Variants in ANK3 observed in about 807,000 individuals in gnomAD.
The protein encoded by ANK3 is ankyrin 3.
ANK3 carries 57 observed loss-of-function variants against 370.9 expected under a neutral mutation model. The observed-to-expected ratio is 0.15, with a 90% confidence interval of 0.12 to 0.19. The LOEUF (loss-of-function observed/expected upper bound fraction) is 0.19. Among genes scored for constraint, ANK3 ranks in the 10% least tolerant of loss-of-function variants. The probability of loss-of-function intolerance (pLI) is 1.00; values close to 1 mark genes in which losing one functional copy is unlikely to be tolerated. For missense variants in ANK3, 4,439 were observed against 5,302.1 expected (o/e 0.84, Z 5.06); for synonymous variants, 1,929 against 1,946.3 (o/e 0.99, Z 0.23).
At chr10:60,079,194 C>CACACACAA (rs1249730415) in intron 36 of ANK3, among the ~76,000 whole-genome samples, 1 of 149,866 alleles carries the variant, frequency 6.7e-6, no homozygotes, top group Non-Finnish European at 1.5e-5. Flanking sequence ...CACACACACA[C>CACACACAA]ACACACACAC....
chr10:60,347,291 A>C (rs752586694), intron 1 of ANK3, among the ~76,000 whole-genome samples: 9 of 151,960 alleles, frequency 5.9e-5, no homozygotes, highest in Non-Finnish European at 1.3e-4. Context: ...TTTTTAAGGG[A>C]ACATCAGCTT....
At chr10:60,387,500 G>T (rs922107923) in intron 1 of ANK3, among the ~76,000 whole-genome samples, 4 of 152,126 alleles carry the variant, frequency 2.6e-5, no homozygotes, top group African/African-American at 4.8e-5. Context: ...GTAATACACT[G>T]TATCTTACAG....
intron 2 of ANK3, among the ~76,000 whole-genome samples, chr10:60,439,563 T>C (rs912357726): frequency 6.6e-6 from 1 of 152,112 alleles, no homozygotes; most frequent in Non-Finnish European, 1.5e-5. Context: ...AGAATTTATA[T>C]ATGAAGTTGT....
Position 60,660,918 on chromosome 10 carries a change from T to TCA in ANK3, c.58-45696_58-45695dup, listed in dbSNP as rs140134322. On this transcript the variant is annotated intron_variant, in intron 1 of 43. Coordinates refer to the ANK3 transcript ENST00000373827. ...ACCTCTCAGAGTTTTAAATACACAC[T>TCA]CACACACACACACACACCCCACATC... is the stretch of plus-strand genomic sequence containing the variant. Among the ~76,000 whole-genome samples the TCA allele has an allele frequency of 1.1e-4, 16 of 148,834 alleles. No individual in the cohort carries two copies. The East Asian group carries it at 1.4e-3, about 13-fold the overall frequency.
At chr10:60,540,152 T>C (rs965464766) in intron 2 of ANK3, among the ~76,000 whole-genome samples, 11 of 151,862 alleles carry the variant, frequency 7.2e-5, no homozygotes, top group Admixed American at 6.6e-4. Context: ...CATTCTGCCC[T>C]AGGAAATCTG....
At chr10:60,362,630 T>A (rs1275062875) in intron 1 of ANK3, among the ~76,000 whole-genome samples, 1 of 152,182 alleles carries the variant, frequency 6.6e-6, no homozygotes. Flanking sequence ...TCAGGGAATG[T>A]CCAGGGACAA....
At chr10:60,206,874 C>G (rs766499837) in intron 10 of ANK3, among the ~76,000 whole-genome samples, 1 of 152,322 alleles carries the variant, frequency 6.6e-6, no homozygotes, top group East Asian at 1.9e-4. Flanking sequence ...GTCAAAGTCA[C>G]TGCAGGTGCT....
chr10:60,701,981 G>T (rs2079550758), intron 1 of ANK3, among the ~76,000 whole-genome samples: 1 of 152,142 alleles, frequency 6.6e-6, no homozygotes, highest in South Asian at 2.1e-4. Context: ...AAATTAGGCT[G>T]GGTGCAGTGG....
intron 1 of ANK3, among the ~76,000 whole-genome samples, chr10:60,653,524 C>T (rs1261770572): frequency 6.6e-6 from 1 of 152,204 alleles, no homozygotes; most frequent in East Asian, 1.9e-4. Flanking sequence ...CTCCTTTCTC[C>T]AATTCTGTAG....
At chr10:60,422,498 A>G (rs145138476) in intron 2 of ANK3, among the ~76,000 whole-genome samples, 122 of 152,168 alleles carry the variant, frequency 8.0e-4, no homozygotes, top group African/African-American at 2.9e-3. Context: ...GCTTCTAGGG[A>G]CACGGGGTGA....
intron 1 of ANK3, among the ~76,000 whole-genome samples, chr10:60,388,357 G>A (rs1340146787): frequency 6.6e-6 from 1 of 152,150 alleles, no homozygotes; most frequent in African/African-American, 2.4e-5. Flanking sequence ...AATATTCATG[G>A]TCACTCCTGA....
chr10:60,345,374 G>T (rs1164093249), intron 1 of ANK3, among the ~76,000 whole-genome samples: 1 of 151,996 alleles, frequency 6.6e-6, no homozygotes, highest in East Asian at 1.9e-4. Context: ...TATCTTATCA[G>T]TCACTCATCT....
intron 2 of ANK3, among the ~76,000 whole-genome samples, chr10:60,494,483 T>C (rs892259462): frequency 3.9e-5 from 6 of 152,306 alleles, no homozygotes; most frequent in African/African-American, 9.6e-5. Flanking sequence ...CTTTTGATCA[T>C]TGTATTAAAA....
chr10:60,263,703 A>G (rs2097842130), intron 6 of ANK3, 132 bp downstream of exon 6: 2 of 1,050,980 alleles, frequency 1.9e-6, no homozygotes, highest in African/African-American at 3.2e-5. Context: ...TAGCTCAGAC[A>G]CACATTGTTC....
intron 2 of ANK3, among the ~76,000 whole-genome samples, chr10:60,407,717 G>A (rs1355601137): frequency 1.3e-5 from 2 of 152,144 alleles, no homozygotes; most frequent in African/African-American, 4.8e-5. Context: ...GAGATTAAAT[G>A]ACTTTCACAT....
chr10:60,205,488 G>C (rs536084713), intron 11 of ANK3, among the ~76,000 whole-genome samples: 2 of 152,288 alleles, frequency 1.3e-5, no homozygotes, highest in East Asian at 1.9e-4. Context: ...GCACCCACTA[G>C]AGAAGTACTA....
chr10:60,366,340 A>G (rs1010676260), intron 1 of ANK3, among the ~76,000 whole-genome samples: 1 of 152,132 alleles, frequency 6.6e-6, no homozygotes, highest in Non-Finnish European at 1.5e-5. Context: ...CTCGAAAAAA[A>G]CAAAAAAATT....
Position 60,269,085 on chromosome 10 carries a change from T to C in ANK3, c.513+1046A>G, listed in dbSNP as rs138353298. ...TGCAAGCAAGAGTAGTGGTTTATAA[T>C]AGGGATAACCCTGCATCTGCCCTAA... On this transcript the variant is annotated intron_variant, in intron 5 of 43. Coordinates refer to ENST00000280772, the MANE Select transcript of ANK3 (RefSeq NM_020987.5). Among the ~76,000 whole-genome samples, 13 of 152,310 alleles carry C rather than the reference T, an allele frequency of 8.5e-5. No individual in the cohort carries two copies. The East Asian group carries it at 1.9e-3, about 23-fold the overall frequency.
At chr10:60,567,465 A>G (rs1583990) in intron 2 of ANK3, among the ~76,000 whole-genome samples, 71,317 of 151,830 alleles carry the variant, frequency 0.47, 17,142 homozygotes, top group Non-Finnish European at 0.52. Context: ...GGCCAGAAAA[A>G]AAATTTCTTT....
Sources: gnomAD v4.1 joint callset for allele counts (sites outside exome capture counted in the v4.1 genomes callset) on GRCh38, gnomAD v4.1.1 for gene constraint, MANE v1.5 for transcripts, NCBI Gene and HGNC (gene_info 2026-07-23, HGNC 2026-07-21) for gene names.